The following KANSL1 variants were observed in gnomAD, a reference collection of about 807,000 sequenced individuals.
The protein encoded by KANSL1 is MLL1/MLL complex subunit KANSL1.
A neutral mutation model predicts 103.6 loss-of-function variants in KANSL1; 22 were observed. The observed-to-expected ratio is 0.21, with a 90% CI of 0.15 to 0.30. The LOEUF (loss-of-function observed/expected upper bound fraction) is 0.30, where lower values mean the gene tolerates loss of function less well. Ranked by LOEUF, KANSL1 falls within the 10% of genes least tolerant of loss-of-function variation. The pLI is 1.00. For synonymous variants in KANSL1, 600 were observed against 527.6 expected, an observed-to-expected ratio of 1.14 and a Z score of -1.88; for missense variants, 1,337 against 1,399.8, an observed-to-expected ratio of 0.96 and a Z score of 0.72.
At chr17:46,214,504 A>C (rs2148037627) in intron 1 of KANSL1, among the ~76,000 whole-genome samples, 1 of 152,328 alleles carries the variant, frequency 6.6e-6, no homozygotes, top group Middle Eastern at 3.4e-3. Context: ...AAATACAAAA[A>C]TTAGCTGGGC....
intron 4 of KANSL1, among the ~76,000 whole-genome samples, chr17:46,080,457 T>C (rs1363434418): frequency 6.6e-6 from 1 of 151,704 alleles, no homozygotes; most frequent in African/African-American, 2.4e-5. Flanking sequence ...TTTTTTTTTT[T>C]AAGCAAAACT....
At chr17:46,079,963 T>G (rs1407842208) in intron 4 of KANSL1, among the ~76,000 whole-genome samples, 1 of 147,018 alleles carries the variant, frequency 6.8e-6, no homozygotes. Flanking sequence ...GGTGACAGAA[T>G]AAGACCCTGT....
intron 2 of KANSL1, among the ~76,000 whole-genome samples, chr17:46,139,950 A>G (rs2044338592): frequency 6.6e-6 from 1 of 152,218 alleles, no homozygotes. Context: ...ATTCAAGTAA[A>G]TTAGCATAAT....
chr17:46,062,118 C>CAAAA (rs66529773), intron 6 of KANSL1, among the ~76,000 whole-genome samples: 9 of 108,776 alleles, frequency 8.3e-5, no homozygotes, highest in South Asian at 3.4e-4. Context: ...AACAAACAAA[C>CAAAA]AAAAAAAAAA....
intron 6 of KANSL1, 46 bp downstream of exon 6, chr17:46,066,491 C>T: frequency 6.7e-7 from 1 of 1,497,950 alleles, no homozygotes; most frequent in Non-Finnish European, 9.0e-7. Context: ...TCTATCTGAG[C>T]ATCTGGCTCA....
At chr17:46,194,590 A>G (rs2047542463), upstream of KANSL1, among the ~76,000 whole-genome samples, 1 of 152,260 alleles carries the variant, frequency 6.6e-6, no homozygotes, top group South Asian at 2.1e-4. Context: ...AGATGAGTGG[A>G]GTATCTTGAG....
At chr17:46,209,982 C>T (rs549562160) in intron 1 of KANSL1, among the ~76,000 whole-genome samples, 11 of 152,110 alleles carry the variant, frequency 7.2e-5, no homozygotes, top group African/African-American at 2.7e-4. Flanking sequence ...TGAACCAAAA[C>T]GAACAAAAAA....
intron 2 of KANSL1, among the ~76,000 whole-genome samples, chr17:46,105,978 T>C (rs2042548724): frequency 6.7e-6 from 1 of 148,584 alleles, no homozygotes; most frequent in African/African-American, 2.5e-5. Context: ...AGCAGAAAAG[T>C]ACAGTGTATT....
At chr17:46,157,876 G>T (rs1051321272) in intron 2 of KANSL1, among the ~76,000 whole-genome samples, 2 of 152,174 alleles carry the variant, frequency 1.3e-5, no homozygotes, top group African/African-American at 4.8e-5. Context: ...CTACGCACAG[G>T]GTGTGCCCAA....
At chr17:46,192,690 G>C (rs963986992) in intron 1 of KANSL1, 133 bp downstream of exon 1, 2 of 153,490 alleles carry the variant, frequency 1.3e-5, no homozygotes, top group African/African-American at 4.8e-5. Context: ...AAAGTTCCGG[G>C]GGATTTTTCT....
intron 2 of KANSL1, among the ~76,000 whole-genome samples, chr17:46,108,191 T>TA (rs753112290): frequency 2.8e-4 from 43 of 152,220 alleles, no homozygotes; most frequent in Non-Finnish European, 5.3e-4. Context: ...AACGACCCTG[T>TA]AAGGCCTCAA....
At chr17:46,127,310 A>AG (rs2043617986) in intron 2 of KANSL1, among the ~76,000 whole-genome samples, 1 of 152,252 alleles carries the variant, frequency 6.6e-6, no homozygotes, top group African/African-American at 2.4e-5. Context: ...TCAAACTGAA[A>AG]GGGAAAAAAA....
chr17:46,138,833 A>G (rs932423188), intron 2 of KANSL1, among the ~76,000 whole-genome samples: 7 of 152,362 alleles, frequency 4.6e-5, no homozygotes, highest in African/African-American at 1.4e-4. Context: ...ACCCATCAAC[A>G]TAGGTACAGT....
At chr17:46,058,735 ACACACACACTCTCTCTCTCTCTCT>A (rs1225968253) in intron 6 of KANSL1, among the ~76,000 whole-genome samples, 14 of 54,014 alleles carry the variant, frequency 2.6e-4, no homozygotes, top group South Asian at 2.2e-3. Context: ...ACACACACAC[ACACACACACTCTCTCTCTCTCTCT>A]CTCTCTCTCT....
At chr17:46,123,523 A>G (rs944385982) in intron 2 of KANSL1, among the ~76,000 whole-genome samples, 1 of 152,262 alleles carries the variant, frequency 6.6e-6, no homozygotes. Flanking sequence ...GAGAAAATTT[A>G]AAAAGTGCTA....
chr17:46,163,979 T>C (rs2045874392), intron 2 of KANSL1, among the ~76,000 whole-genome samples: 1 of 152,254 alleles, frequency 6.6e-6, no homozygotes, highest in Non-Finnish European at 1.5e-5. Flanking sequence ...TCAAAATCTT[T>C]GCCAACCTTC....
At chr17:46,106,102 A>G (rs1199696967) in intron 2 of KANSL1, among the ~76,000 whole-genome samples, 1 of 152,226 alleles carries the variant, frequency 6.6e-6, no homozygotes, top group Non-Finnish European at 1.5e-5. Context: ...AATCCAACAG[A>G]AAAACATCTT....
intron 3 of KANSL1, 68 bp downstream of exon 3, chr17:46,094,492 G>A (rs1161674425): frequency 3.9e-6 from 6 of 1,532,806 alleles, no homozygotes; most frequent in Middle Eastern, 2.4e-4. Flanking sequence ...GAGGTGGGAG[G>A]GGATGTGAGA....
At chr17:46,175,956 G>A (rs1472360248) in intron 1 of KANSL1, among the ~76,000 whole-genome samples, 1 of 152,198 alleles carries the variant, frequency 6.6e-6, no homozygotes, top group Non-Finnish European at 1.5e-5. Flanking sequence ...AATATTTTGA[G>A]TCACTTTTAT....
Sources: allele counts gnomAD v4.1 joint callset (sites outside exome capture counted in the v4.1 genomes callset), GRCh38; gene constraint gnomAD v4.1.1; transcripts MANE v1.5; gene names NCBI Gene and HGNC (gene_info 2026-07-23, HGNC 2026-07-21).